The following CSMD1 variants were observed in gnomAD, a reference collection of about 807,000 sequenced individuals.
CSMD1 encodes the protein CUB and Sushi multiple domains 1, also known as CUB and sushi domain-containing protein 1.
A neutral mutation model predicts 417.5 loss-of-function variants in CSMD1; 213 were observed. The ratio of observed to expected loss-of-function variants is 0.51; its 90% confidence interval spans 0.46 to 0.57. CSMD1 has a LOEUF of 0.57. Among genes scored for constraint, CSMD1 ranks in the 20% least tolerant of loss-of-function variants. The pLI, the probability that CSMD1 is intolerant of heterozygous loss-of-function variation, is 0.00. For synonymous variants in CSMD1, 2,862 were observed against 1,736.8 expected, an observed-to-expected ratio of 1.65 and a Z score of -16.11; for missense variants, 6,923 against 4,529.7, an observed-to-expected ratio of 1.53 and a Z score of -15.17.
intron 17 of CSMD1, among the ~76,000 whole-genome samples, chr8:3,390,270 G>A (rs771139514): frequency 1.4e-5 from 2 of 142,272 alleles, no homozygotes; most frequent in East Asian, 2.2e-4. Flanking sequence ...CAGGAGAAAC[G>A]CTTGAACTCA....
intron 29 of CSMD1, among the ~76,000 whole-genome samples, chr8:3,215,309 T>C (rs537289749): frequency 6.6e-6 from 1 of 152,344 alleles, no homozygotes; most frequent in South Asian, 2.1e-4. Context: ...AAAAAATACA[T>C]TGACTGATAG....
chr8:3,289,355 C>G (rs1803383037), intron 25 of CSMD1, among the ~76,000 whole-genome samples: 1 of 147,286 alleles, frequency 6.8e-6, no homozygotes. Context: ...AATGGGATGG[C>G]TGGGTCAAAT....
At chr8:4,222,940 G>C (rs577224840) in intron 3 of CSMD1, among the ~76,000 whole-genome samples, 2 of 151,872 alleles carry the variant, frequency 1.3e-5, no homozygotes, top group African/African-American at 4.8e-5. Context: ...GTCCTAAAAA[G>C]ACATTTCTTA....
chr8:3,581,298 A>G (rs1800372971), intron 9 of CSMD1, among the ~76,000 whole-genome samples: 1 of 152,228 alleles, frequency 6.6e-6, no homozygotes, highest in Admixed American at 6.5e-5. Flanking sequence ...TTACCCTGCA[A>G]AAAATCATAA....
At chr8:4,487,631 A>C (rs543165959) in intron 2 of CSMD1, among the ~76,000 whole-genome samples, 1 of 152,364 alleles carries the variant, frequency 6.6e-6, no homozygotes, top group Non-Finnish European at 1.5e-5. Context: ...AGTAGAAATA[A>C]GGCACACCCT....
intron 54 of CSMD1, among the ~76,000 whole-genome samples, chr8:2,982,662 G>A (rs554712557): frequency 1.3e-5 from 2 of 152,194 alleles, no homozygotes; most frequent in East Asian, 3.9e-4. Flanking sequence ...ACCTCCAGGA[G>A]CTGCCCTGTC....
chr8:3,171,755 G>C (rs1342847849), intron 37 of CSMD1, among the ~76,000 whole-genome samples: 1 of 152,132 alleles, frequency 6.6e-6, no homozygotes, highest in Non-Finnish European at 1.5e-5. Context: ...TTGTCAATGA[G>C]ACAATATACT....
At chr8:4,381,264 G>T (rs142447345) in intron 3 of CSMD1, among the ~76,000 whole-genome samples, 4 of 152,132 alleles carry the variant, frequency 2.6e-5, no homozygotes, top group Non-Finnish European at 4.4e-5. Context: ...AGGAATAAAG[G>T]CGTCAAAACA....
chr8:4,027,121 T>G (rs1418225784), intron 4 of CSMD1, among the ~76,000 whole-genome samples: 1 of 152,202 alleles, frequency 6.6e-6, no homozygotes, highest in Non-Finnish European at 1.5e-5. Flanking sequence ...AGCAAAAAGC[T>G]TTACACTCAT....
intron 5 of CSMD1, among the ~76,000 whole-genome samples, chr8:3,977,139 T>G (rs925737918): frequency 6.6e-6 from 1 of 152,212 alleles, no homozygotes; most frequent in African/African-American, 2.4e-5. Context: ...GAAACTTTCA[T>G]GATGAACATT....
At chr8:3,888,335 C>G (rs1007644195) in intron 5 of CSMD1, among the ~76,000 whole-genome samples, 2 of 152,126 alleles carry the variant, frequency 1.3e-5, no homozygotes, top group African/African-American at 4.8e-5. Flanking sequence ...TATCCAAAGT[C>G]AAAGGATGGT....
At chr8:3,028,491 G>A (rs6558698) in intron 51 of CSMD1, among the ~76,000 whole-genome samples, 61,283 of 151,946 alleles carry the variant, frequency 0.4, 12,711 homozygotes, top group Admixed American at 0.45. Flanking sequence ...TTAGAGAAAC[G>A]GGGACCATGT....
At chr8:4,366,263 T>TC (rs1554447153) in intron 3 of CSMD1, among the ~76,000 whole-genome samples, 23 of 152,008 alleles carry the variant, frequency 1.5e-4, no homozygotes, top group African/African-American at 1.9e-4. Context: ...TCTTTTTTTT[T>TC]TCTGTTTTAT....
chr8:3,900,169 G>C (rs1314951639), intron 5 of CSMD1, among the ~76,000 whole-genome samples: 2 of 151,976 alleles, frequency 1.3e-5, no homozygotes, highest in African/African-American at 2.4e-5. Flanking sequence ...ACCACAGCTG[G>C]GTGACAGTGT....
intron 12 of CSMD1, among the ~76,000 whole-genome samples, chr8:3,441,040 G>A (rs2121655): frequency 0.52 from 78,461 of 152,024 alleles, 20,509 homozygotes; most frequent in Middle Eastern, 0.58. Flanking sequence ...TCCAAAATAC[G>A]AATGCCTTTG....
chr8:4,421,857 G>A (rs964730071), intron 2 of CSMD1, among the ~76,000 whole-genome samples: 1 of 151,652 alleles, frequency 6.6e-6, no homozygotes, highest in Non-Finnish European at 1.5e-5. Flanking sequence ...AAAGAAAAAA[G>A]AACAAATAAT....
At chr8:4,292,341 C>G (rs1405935247) in intron 3 of CSMD1, among the ~76,000 whole-genome samples, 47 of 152,248 alleles carry the variant, frequency 3.1e-4, no homozygotes, top group East Asian at 1.9e-4. Context: ...CAACCTCTGC[C>G]TCCGGGGTTC....
intron 3 of CSMD1, among the ~76,000 whole-genome samples, chr8:4,391,086 G>A (rs1033024361): frequency 1.3e-5 from 2 of 152,210 alleles, no homozygotes; most frequent in South Asian, 2.1e-4. Flanking sequence ...ATCCTGGAAT[G>A]AGGACATAAA....
At position 4,911,088 on chromosome 8, in the gene CSMD1, C is replaced by A. The variant is rs181810240; in HGVS notation, c.85+83244G>T. On this transcript the variant is annotated intron_variant, in intron 1 of 69. Transcript: ENST00000635120. ...CTTCCACCACGATTGTGAGGCCTCC[C>A]CAGCCATGTGGAACTGTAAGTCCAT... 1.8e-4 allele frequency among the ~76,000 whole-genome samples: 27 copies of A among 152,300 alleles called. 1 individual carries two copies. The highest frequency in any genetic ancestry group is 1.6e-3 in the Admixed American group (25 of 15,298).
Sources: gnomAD v4.1 joint callset for allele counts (sites outside exome capture counted in the v4.1 genomes callset) on GRCh38, gnomAD v4.1.1 for gene constraint, MANE v1.5 for transcripts, NCBI Gene and HGNC (gene_info 2026-07-23, HGNC 2026-07-21) for gene names.